Variants in ULK4 observed in about 807,000 individuals in gnomAD.
ULK4 encodes unc-51 like kinase 4.
A neutral mutation model predicts 160.6 loss-of-function variants in ULK4; 133 were observed. The ratio of observed to expected loss-of-function variants is 0.83; its 90% confidence interval spans 0.72 to 0.96. The LOEUF (loss-of-function observed/expected upper bound fraction) is 0.96, where lower values mean the gene tolerates loss of function less well. ULK4 is among the 40% of genes least tolerant of loss of function. The pLI, the probability that ULK4 is intolerant of heterozygous loss-of-function variation, is 0.00. For synonymous variants in ULK4, 534 were observed against 539.8 expected (o/e 0.99, Z 0.15); for missense variants, 1,580 against 1,499.5 (o/e 1.05, Z -0.89).
chr3:41,509,895 C>G (rs2085511620), intron 32 of ULK4, among the ~76,000 whole-genome samples: 1 of 152,120 alleles, frequency 6.6e-6, no homozygotes, highest in South Asian at 2.1e-4. Context: ...TTCACAGGAT[C>G]TATATAACAA....
At chr3:41,383,309 G>C (rs900469547) in intron 35 of ULK4, among the ~76,000 whole-genome samples, 1 of 152,092 alleles carries the variant, frequency 6.6e-6, no homozygotes, top group Non-Finnish European at 1.5e-5. Flanking sequence ...ATGTTTGCCA[G>C]GTTGGTCTCG....
chr3:41,457,964 G>A (rs999276528), intron 33 of ULK4, among the ~76,000 whole-genome samples: 3 of 152,108 alleles, frequency 2.0e-5, no homozygotes, highest in African/African-American at 7.2e-5. Context: ...AGATGTTTAT[G>A]GTAAAATCTA....
chr3:41,657,819 A>T (rs1284240417), intron 30 of ULK4, among the ~76,000 whole-genome samples: 3 of 24,778 alleles, frequency 1.2e-4, no homozygotes, highest in Non-Finnish European at 4.2e-4. Flanking sequence ...CCATCTCATT[A>T]AAAAAAAAAA....
intron 3 of ULK4, chr3:41,937,229 A>G: frequency 1.7e-6 from 1 of 581,628 alleles, no homozygotes; most frequent in Non-Finnish European, 3.1e-6. Flanking sequence ...AGGATATTAC[A>G]TCTGGTCAGA....
At chr3:41,782,106 T>G (rs1203785038) in intron 21 of ULK4, among the ~76,000 whole-genome samples, 4 of 152,196 alleles carry the variant, frequency 2.6e-5, no homozygotes, top group Non-Finnish European at 5.9e-5. Context: ...CTCGCCATTA[T>G]TCTCACAGTA....
chr3:41,387,532 C>T (rs1295334377), intron 35 of ULK4, among the ~76,000 whole-genome samples: 1 of 152,156 alleles, frequency 6.6e-6, no homozygotes, highest in African/African-American at 2.4e-5. Context: ...ACTCCCCCAA[C>T]TCCACAACAG....
At chr3:41,449,330 G>A (rs1023502348) in intron 34 of ULK4, among the ~76,000 whole-genome samples, 3 of 152,090 alleles carry the variant, frequency 2.0e-5, no homozygotes, top group African/African-American at 2.4e-5. Context: ...TCTAAAGTAG[G>A]AACAGTTTTC....
chr3:41,372,681 GAAAC>G (rs1220781443), intron 35 of ULK4, among the ~76,000 whole-genome samples: 1 of 152,150 alleles, frequency 6.6e-6, no homozygotes, highest in Middle Eastern at 3.2e-3. Flanking sequence ...AGCCACTGCA[GAAAC>G]AAACCAAAAT....
chr3:41,515,232 G>A (rs2085711310), intron 32 of ULK4, among the ~76,000 whole-genome samples: 1 of 151,924 alleles, frequency 6.6e-6, no homozygotes, highest in Non-Finnish European at 1.5e-5. Flanking sequence ...ACTCCAGTCT[G>A]GGCGACAGAG....
chr3:41,730,458 G>C (rs1297631972), intron 22 of ULK4, among the ~76,000 whole-genome samples: 1 of 152,056 alleles, frequency 6.6e-6, no homozygotes, highest in Non-Finnish European at 1.5e-5. Context: ...GTATGTCACA[G>C]ACTAAAAAGA....
chr3:41,621,899 A>C (rs2033259228), intron 30 of ULK4, among the ~76,000 whole-genome samples: 1 of 152,204 alleles, frequency 6.6e-6, no homozygotes, highest in South Asian at 2.1e-4. Context: ...TCTACAAAGA[A>C]CTTAAACAAA....
chr3:41,498,124 C>T (rs953671482), intron 32 of ULK4, among the ~76,000 whole-genome samples: 6 of 152,168 alleles, frequency 3.9e-5, no homozygotes, highest in Admixed American at 2.0e-4. Context: ...ATACATGAAA[C>T]CTTCTTTAAG....
At chr3:41,689,566 T>C (rs1042200620) in intron 27 of ULK4, among the ~76,000 whole-genome samples, 1 of 152,122 alleles carries the variant, frequency 6.6e-6, no homozygotes, top group African/African-American at 2.4e-5. Context: ...ATATCCAGCA[T>C]CTACAATGAA....
chr3:41,458,728 A>T (rs375083193), intron 33 of ULK4, among the ~76,000 whole-genome samples: 86 of 152,322 alleles, frequency 5.6e-4, no homozygotes, highest in African/African-American at 2.0e-3. Flanking sequence ...ATAAAGAACA[A>T]GAGACAGTTA....
At chr3:41,581,062 G>A (rs757257462) in intron 31 of ULK4, among the ~76,000 whole-genome samples, 2 of 152,024 alleles carry the variant, frequency 1.3e-5, no homozygotes, top group African/African-American at 4.8e-5. Context: ...GCACAAGACT[G>A]GCATCCCCCA....
intron 32 of ULK4, among the ~76,000 whole-genome samples, chr3:41,546,915 AG>A (rs1185101414): frequency 6.6e-6 from 1 of 152,190 alleles, no homozygotes; most frequent in Admixed American, 6.5e-5. Flanking sequence ...ACAAGAGGTC[AG>A]CTATCATTTG....
At chr3:41,819,201 T>C (rs2041061869) in intron 19 of ULK4, among the ~76,000 whole-genome samples, 1 of 152,190 alleles carries the variant, frequency 6.6e-6, no homozygotes, top group African/African-American at 2.4e-5. Flanking sequence ...ATCATTCCTT[T>C]AAAAAGCAAG....
At chr3:41,936,906 A>G (rs950302142) in intron 3 of ULK4, among the ~76,000 whole-genome samples, 4 of 152,220 alleles carry the variant, frequency 2.6e-5, no homozygotes, top group African/African-American at 9.7e-5. Context: ...AATAACTAAA[A>G]GAATATAATT....
intron 35 of ULK4, among the ~76,000 whole-genome samples, chr3:41,343,578 A>G (rs1436848075): frequency 6.6e-6 from 1 of 152,172 alleles, no homozygotes; most frequent in East Asian, 1.9e-4. Flanking sequence ...TGCTGGGATT[A>G]CAGGCGTGAG....
Sources: gnomAD v4.1 joint callset for allele counts (sites outside exome capture counted in the v4.1 genomes callset) on GRCh38, gnomAD v4.1.1 for gene constraint, MANE v1.5 for transcripts, NCBI Gene and HGNC (gene_info 2026-07-23, HGNC 2026-07-21) for gene names.